MRPL2: variants seen among roughly 807,000 people sequenced by gnomAD.
MRPL2 encodes large ribosomal subunit protein uL2m.
MRPL2 carries 27 observed loss-of-function variants against 34.6 expected under a neutral mutation model. The ratio of observed to expected loss-of-function variants is 0.78; its 90% CI spans 0.58 to 1.08. The LOEUF is 1.08. Among genes scored for constraint, MRPL2 ranks in the 50% least tolerant of loss-of-function variants. The pLI, the probability that MRPL2 is intolerant of heterozygous loss-of-function variation, is 0.00. For missense variants in MRPL2, 414 were observed against 419.3 expected (o/e 0.99, Z 0.11); for synonymous variants, 155 against 158.0 (o/e 0.98, Z 0.14).
intron 2 of MRPL2, among the ~76,000 whole-genome samples, chr6:43,057,284 G>A (rs1225737660): frequency 2.0e-5 from 3 of 151,256 alleles, no homozygotes; most frequent in Non-Finnish European, 4.4e-5. Context: ...GGGTTCAAGC[G>A]ATTCTCCTGC....
At chr6:43,058,410 T>G (rs769235661) in intron 1 of MRPL2, among the ~76,000 whole-genome samples, 177 bp from the exon 2 acceptor site, 1 of 152,222 alleles carries the variant, frequency 6.6e-6, no homozygotes, top group Non-Finnish European at 1.5e-5. Context: ...GTTCTCTCCT[T>G]GGTGATCTCC....
chr6:43,059,817 C>T (rs1383843368), upstream of MRPL2: 7 of 1,169,644 alleles, frequency 6.0e-6, no homozygotes, highest in Non-Finnish European at 7.4e-6. Context: ...CTCCGCCCTT[C>T]GCGATTCTTC....
intron 6 of MRPL2, 25 bp downstream of exon 6, chr6:43,055,520 C>T (rs756676001): frequency 1.2e-6 from 2 of 1,606,370 alleles, no homozygotes; most frequent in South Asian, 2.2e-5. Flanking sequence ...CTTTGCTGAC[C>T]CCTCCCATCC....
chr6:43,059,766 A>G, upstream of MRPL2: 2 of 1,191,608 alleles, frequency 1.7e-6, no homozygotes, highest in African/African-American at 3.2e-5. Context: ...AAGATGAACA[A>G]ACCCCCTCCA....
intron 1 of MRPL2, 171 bp downstream of exon 1, chr6:43,059,113 CTA>C (rs1235711889): frequency 6.5e-7 from 1 of 1,534,494 alleles, no homozygotes; most frequent in Non-Finnish European, 8.8e-7. Context: ...GAATTTCGCC[CTA>C]TGAGAAAGCA....
intron 1 of MRPL2, 62 bp from the exon 2 acceptor site, chr6:43,058,295 C>A: frequency 6.5e-7 from 1 of 1,537,448 alleles, no homozygotes; most frequent in South Asian, 1.2e-5. Context: ...ATCAGAGAAC[C>A]AAGGCAGAGG....
Position 43,054,318 on chromosome 6 carries a change from T to C in MRPL2, c.874A>G (p.Met292Val), listed in dbSNP as rs542565490. 1.2e-5 allele frequency: 20 copies of C among 1,611,684 alleles called. No homozygotes were observed. Among genetic ancestry groups the C allele is most frequent in the Middle Eastern group, 1.7e-4 (1 of 6,056 alleles). ...GAAGGCAGCTTCACGTAACTCTTCATGGGGGGTAGTGGCCGAATCTTTCGG... is the reference window on the plus strand; with the variant it reads ...GAAGGCAGCTTCACGTAACTCTTCACGGGGGGTAGTGGCCGAATCTTTCGG... ...AGRKIRPLPP[M>V]KSYVKLPSAS... Residue 292 changes from methionine to valine, a missense_variant, in exon 7 of 7, where the codon ATG (methionine) becomes GTG (valine). By Grantham distance (21) the Met-to-Val change is conservative (BLOSUM62 1). Coordinates refer to ENST00000388752, the MANE Select transcript of MRPL2 (RefSeq NM_015950.5).
rs755352730 is a variant in MRPL2, at chr6:43,058,039, T to G, written c.265+26A>C. The G allele has an allele frequency of 1.1e-5, 17 of 1,611,796 alleles. No individual in the cohort carries two copies. In the African/African-American group the frequency reaches 2.0e-4, roughly 19 times the overall value. On this transcript the variant is annotated intron_variant, in intron 2 of 6. Coordinates refer to ENST00000388752, the MANE Select transcript of MRPL2 (RefSeq NM_015950.5). ...TTAACATGTTTTTCCTTTTGACTGC[T>G]TAAATCCCCCTGTCCTTGTTCCCAC...
At chr6:43,056,260 T>C (rs762973673) in intron 3 of MRPL2, 47 bp downstream of exon 3, 9 of 1,613,352 alleles carry the variant, frequency 5.6e-6, no homozygotes, top group South Asian at 4.4e-5. Flanking sequence ...TGAGAAGCTA[T>C]GGAGTTATTC....
At position 43,058,186 on chromosome 6, in the gene MRPL2, G is replaced by T; in HGVS notation, c.144C>A (p.Leu48=). 3.7e-6 allele frequency: 6 copies of T among 1,614,172 alleles called. No homozygotes were observed. The highest frequency in any genetic ancestry group is 2.2e-5 in the East Asian group (1 of 44,884). ...CAGAAGTAAGAACTGGGCGGCAGGG[G>T]AGCAACATCAAGGCAGAGGGCTGTT... ...LLQQPSALML[L]PCRPVLTSVA... The change falls in exon 2 of 7, where the codon CTC becomes CTA. Residue 48 remains leucine (L), a synonymous_variant. Transcript: ENST00000388752.
At position 43,054,098 on chromosome 6, in the gene MRPL2, C is replaced by T; in HGVS notation, c.*176G>A. ...AAGGGAATTGGGGTGGGGACAGACC[C>T]AGTGTCCTGTACTTTCTCTTCCACA... On this transcript the variant is annotated 3_prime_UTR_variant, in exon 7 of 7. Transcript: ENST00000388752. 1.6e-6 allele frequency: 1 copy of T among 637,884 alleles called. No homozygotes were observed. The highest frequency in any genetic ancestry group is 2.7e-6 in the Non-Finnish European group (1 of 372,700). 39.5% of individuals were successfully genotyped at this position (637,884 alleles called of 1,614,324 possible). A position where few individuals can be genotyped will look rare whatever the true frequency, so the allele number is the denominator to read the frequency against.
chr6:43,059,357 C>G lies in MRPL2; in HGVS notation c.25G>C (p.Ala9Pro). 6.4e-7 allele frequency: 1 copy of G among 1,552,238 alleles called. No homozygotes were observed. The highest frequency in any genetic ancestry group is 1.4e-5 in the African/African-American group (1 of 73,176). The change falls in exon 1 of 7, where the codon GCT becomes CCT. Residue 9 changes from alanine (A) to proline (P), a missense_variant. Physicochemically the swap from Ala to Pro is conservative, Grantham distance 27 (BLOSUM62 -1). Coordinates refer to ENST00000388752, the MANE Select transcript of MRPL2 (RefSeq NM_015950.5). MALCALTR[A>P]LRSLNLAPPT... ...GGCGCCAGGTTCAGAGAGCGCAGAG[C>G]GCGGGTCAGTGCGCACAGGGCCATC...
Position 43,056,294 on chromosome 6 carries a change from A to G in MRPL2, c.404+13T>C, listed in dbSNP as rs1272446910. ...TCAGACCATTCCATCATCATCCCAC[A>G]TCCCAAACTTGCCTACAGGGATCAT... On this transcript the variant is annotated intron_variant, in intron 3 of 6. Transcript: ENST00000388752. The G allele has an allele frequency of 6.2e-7, 1 of 1,614,074 alleles. No homozygotes were observed. The highest frequency in any genetic ancestry group is 1.3e-5 in the African/African-American group (1 of 74,926).
chr6:43,058,630 G>A (rs189267104), intron 1 of MRPL2, among the ~76,000 whole-genome samples: 92 of 152,300 alleles, frequency 6.0e-4, no homozygotes, highest in African/African-American at 2.2e-3. Context: ...CCAGCATTTC[G>A]GAGTAGGTTG....
rs138970651 is a variant in MRPL2 at position 43,056,322 on chromosome 6, C to T, written c.389G>A (p.Arg130His). 4.5e-4 allele frequency: 725 copies of T among 1,614,188 alleles called. 3 individuals carry two copies. In the South Asian group the frequency reaches 6.6e-3, roughly 15 times the overall value. ...CCAAACTTGCCTACAGGGATCATAG[C>T]GGACTTGGATAACCTTCTCCTCAAA... Reference protein sequence around the residue: ...GPFEEKVIQVRYDPCRSADIA... With the variant: ...GPFEEKVIQVHYDPCRSADIA... The change falls in exon 3 of 7, where the codon CGC becomes CAC. Residue 130 changes from arginine (R) to histidine (H), a missense_variant. Arg to His is a conservative substitution (Grantham distance 29). Transcript: ENST00000388752.
chr6:43,054,594 G>GGGAAAA (rs1286765566), intron 6 of MRPL2, 108 bp from the exon 7 acceptor site: 1 of 887,068 alleles, frequency 1.1e-6, no homozygotes, highest in African/African-American at 1.7e-5. Flanking sequence ...AGAAGGGCGA[G>GGGAAAA]GGAAAAGGAA....
intron 5 of MRPL2, 129 bp from the exon 6 acceptor site, chr6:43,055,747 G>C (rs1764851219): frequency 1.5e-6 from 2 of 1,291,474 alleles, no homozygotes. Flanking sequence ...AAGGACGCAT[G>C]CTATGTTTTA....
chr6:43,055,918 C>G lies in MRPL2; in HGVS notation c.610G>C (p.Ala204Pro), dbSNP rs756226131. ...ATACCTGCAGCTCGGATATATTGGG[C>G]ACCCCGGCCTGGCTCACTTTCCACG... ...NNVESEPGRG[A>P]QYIRAAGTCG... The change falls in exon 5 of 7, where the codon GCC (alanine) becomes CCC (proline). Residue 204 changes from alanine to proline, a missense_variant. Ala to Pro is a conservative substitution (Grantham distance 27). Transcript: ENST00000388752. 10 of 1,613,506 alleles carry G rather than the reference C, an allele frequency of 6.2e-6. No homozygotes were observed. Among genetic ancestry groups the G allele is most frequent in the Non-Finnish European group, 8.5e-6 (10 of 1,179,630 alleles).
chr6:43,057,415 G>A (rs1764907833), intron 2 of MRPL2, among the ~76,000 whole-genome samples: 3 of 152,128 alleles, frequency 2.0e-5, no homozygotes, highest in Admixed American at 2.0e-4. Flanking sequence ...TCGGCCCACT[G>A]CAGCCTCTAC....
Sources: gnomAD v4.1 joint callset for allele counts (sites outside exome capture counted in the v4.1 genomes callset) on GRCh38, gnomAD v4.1.1 for gene constraint, MANE v1.5 for transcripts, NCBI Gene and HGNC (gene_info 2026-07-23, HGNC 2026-07-21) for gene names.